The following TNFRSF10A variants were observed in gnomAD, a reference collection of about 807,000 sequenced individuals.
TNFRSF10A encodes the protein tumor necrosis factor receptor superfamily member 10A.
Under a neutral mutation model 42.8 loss-of-function variants are expected in TNFRSF10A, and 44 were observed. That is an observed-to-expected ratio of 1.03 (90% CI 0.81 to 1.32). TNFRSF10A has a LOEUF of 1.32. Ranked by LOEUF, TNFRSF10A falls within the 40% of genes most tolerant of loss-of-function variation. The probability of loss-of-function intolerance (pLI) is 0.00; values close to 1 mark genes in which losing one functional copy is unlikely to be tolerated. For synonymous variants in TNFRSF10A, 259 were observed against 234.2 expected, an observed-to-expected ratio of 1.11 and a Z score of -0.97; for missense variants, 680 against 602.0, an observed-to-expected ratio of 1.13 and a Z score of -1.36.
chr8:23,194,312 C>T (rs1297005812), intron 9 of TNFRSF10A, among the ~76,000 whole-genome samples: 3 of 152,222 alleles, frequency 2.0e-5, no homozygotes, highest in East Asian at 3.9e-4. Flanking sequence ...GTAAATAATT[C>T]CAAGCAATTT....
Position 23,196,982 on chromosome 8 carries a change from C to T in TNFRSF10A, c.1087+150G>A, listed in dbSNP as rs566717385. The T allele has an allele frequency of 5.1e-6, 5 of 985,212 alleles. No individual in the cohort carries two copies. In the African/African-American group the frequency reaches 8.0e-5, roughly 16 times the overall value. 61.0% of individuals were successfully genotyped at this position (985,212 alleles called of 1,614,324 possible). On this transcript the variant is annotated intron_variant, in intron 9 of 9. Coordinates refer to ENST00000221132, the MANE Select transcript of TNFRSF10A (RefSeq NM_003844.4). ...AGTGGGAAGAAGAGATGGGAGAAGACAATTTAGGGTCTTGATGGTCTATAG... is the reference window on the plus strand; with the variant it reads ...AGTGGGAAGAAGAGATGGGAGAAGATAATTTAGGGTCTTGATGGTCTATAG...
chr8:23,210,458 G>A, intron 2 of TNFRSF10A, among the ~76,000 whole-genome samples: 1 of 152,144 alleles, frequency 6.6e-6, no homozygotes. Flanking sequence ...GAGGCAGGCA[G>A]ATCACAAGGT....
At chr8:23,213,827 T>C (rs1042428843) in intron 1 of TNFRSF10A, among the ~76,000 whole-genome samples, 1 of 152,236 alleles carries the variant, frequency 6.6e-6, no homozygotes, top group Admixed American at 6.5e-5. Flanking sequence ...CATTTACAGC[T>C]ATCATTTTCC....
intron 9 of TNFRSF10A, among the ~76,000 whole-genome samples, chr8:23,193,932 T>C (rs1563376303): frequency 6.6e-6 from 1 of 152,230 alleles, no homozygotes; most frequent in South Asian, 2.1e-4. Flanking sequence ...CAGGCTTTTA[T>C]GTTGCTGTTC....
intron 1 of TNFRSF10A, among the ~76,000 whole-genome samples, chr8:23,213,731 A>C (rs1801128761): frequency 6.6e-6 from 1 of 152,062 alleles, no homozygotes; most frequent in East Asian, 1.9e-4. Flanking sequence ...AGCGTGAGCC[A>C]CCACGCCCAG....
intron 1 of TNFRSF10A, among the ~76,000 whole-genome samples, chr8:23,222,930 C>G (rs908934541): frequency 2.0e-5 from 3 of 152,150 alleles, no homozygotes; most frequent in Non-Finnish European, 4.4e-5. Flanking sequence ...TCCAGCTGTC[C>G]TTCCCCTTCA....
chr8:23,199,494 C>T (rs1297129352), intron 7 of TNFRSF10A, 46 bp from the exon 8 acceptor site: 1 of 1,594,082 alleles, frequency 6.3e-7, no homozygotes, highest in Non-Finnish European at 8.6e-7. Flanking sequence ...CCCAGGGCTC[C>T]CCACGGGGTC....
intron 1 of TNFRSF10A, among the ~76,000 whole-genome samples, chr8:23,216,412 A>G (rs986560869): frequency 2.8e-4 from 42 of 152,290 alleles, no homozygotes; most frequent in African/African-American, 9.6e-4. Context: ...ATAACCATCA[A>G]TAAAATCAAT....
rs1387372205 is a variant in TNFRSF10A, at chr8:23,199,880, A to G, written c.831+6T>C. The G allele has an allele frequency of 1.9e-6, 3 of 1,613,832 alleles. No homozygotes were observed. In the South Asian group the frequency reaches 3.3e-5, roughly 18 times the overall value. On this transcript the variant is annotated splice_donor_region_variant and intron_variant, in intron 7 of 9. Coordinates refer to ENST00000221132, the MANE Select transcript of TNFRSF10A (RefSeq NM_003844.4). ...ATGCCCCCAGCTCCTGGAGAAATCA[A>G]CTCACCCTGTCCATGCACTTGGGGT... is the stretch of plus-strand genomic sequence containing the variant.
At chr8:23,210,941 T>C (rs1227973707) in intron 2 of TNFRSF10A, among the ~76,000 whole-genome samples, 3 of 152,184 alleles carry the variant, frequency 2.0e-5, no homozygotes, top group African/African-American at 7.2e-5. Flanking sequence ...AAAGAATATC[T>C]ACAAAAACCC....
At chr8:23,200,380 A>G (rs917685905) in intron 6 of TNFRSF10A, 125 bp downstream of exon 6, 4 of 1,048,624 alleles carry the variant, frequency 3.8e-6, no homozygotes, top group Middle Eastern at 2.6e-4. Flanking sequence ...GGTGATCACA[A>G]GGAGGAAGAT....
At chr8:23,197,512 T>C (rs543292182) in intron 8 of TNFRSF10A, among the ~76,000 whole-genome samples, 1 of 152,254 alleles carries the variant, frequency 6.6e-6, no homozygotes, top group South Asian at 2.1e-4. Context: ...TATGCCTGAT[T>C]ATCTGTCACC....
intron 1 of TNFRSF10A, among the ~76,000 whole-genome samples, chr8:23,222,375 G>A (rs961107148): frequency 2.0e-5 from 3 of 152,098 alleles, no homozygotes; most frequent in Non-Finnish European, 2.9e-5. Flanking sequence ...CAATGCTGCT[G>A]GAATTAGAAA....
At position 23,197,213 on chromosome 8, in the gene TNFRSF10A, C is replaced by T; in HGVS notation, c.1015-9G>A. On this transcript the variant is annotated splice_polypyrimidine_tract_variant and intron_variant, in intron 8 of 9. Coordinates refer to ENST00000221132, the MANE Select transcript of TNFRSF10A (RefSeq NM_003844.4). Reference sequence around the variant, plus strand: ...TCAGCTTCTGCCGGTCCCTGTAACACACAGTGGGGAATGCCTTGGTCTGAG... The same window carrying T: ...TCAGCTTCTGCCGGTCCCTGTAACATACAGTGGGGAATGCCTTGGTCTGAG... 2 of 1,614,148 alleles carry T rather than the reference C, an allele frequency of 1.2e-6. No homozygotes were observed. The highest frequency in any genetic ancestry group is 1.1e-5 in the South Asian group (1 of 91,086).
At chr8:23,207,435 C>A in intron 2 of TNFRSF10A, 2 of 476,354 alleles carry the variant, frequency 4.2e-6, no homozygotes, top group Admixed American at 2.4e-5. Context: ...AAGTTGAGGC[C>A]CAGATGCCTT....
chr8:23,214,216 A>G (rs1164902599), intron 1 of TNFRSF10A, among the ~76,000 whole-genome samples: 2 of 151,134 alleles, frequency 1.3e-5, no homozygotes, highest in Admixed American at 6.6e-5. Context: ...GGCCGGGCGC[A>G]GTGGCTCATG....
At chr8:23,212,907 C>T (rs1157256887) in intron 1 of TNFRSF10A, among the ~76,000 whole-genome samples, 2 of 152,178 alleles carry the variant, frequency 1.3e-5, no homozygotes, top group African/African-American at 4.8e-5. Flanking sequence ...CAGGGTAATG[C>T]GGGGCCCACA....
At position 23,191,640 on chromosome 8, in the gene TNFRSF10A, T is replaced by C; in HGVS notation, c.*54A>G. The stretch of plus-strand genomic sequence containing the variant: ...ATACATGTTAAAAAAAAAAAAAACC[T>C]AATATGTATTAACTCCTAACACCTA... On this transcript the variant is annotated 3_prime_UTR_variant, in exon 10 of 10. Coordinates refer to ENST00000221132, the MANE Select transcript of TNFRSF10A (RefSeq NM_003844.4). The C allele has an allele frequency of 6.8e-7, 1 of 1,471,594 alleles. No homozygotes were observed. The highest frequency in any genetic ancestry group is 9.0e-7 in the Non-Finnish European group (1 of 1,114,908). 91.2% of individuals were successfully genotyped at this position (1,471,594 alleles called of 1,614,324 possible). A position where few individuals can be genotyped will look rare whatever the true frequency, so the allele number is the denominator to read the frequency against.
At chr8:23,196,032 A>C (rs77801627) in intron 9 of TNFRSF10A, among the ~76,000 whole-genome samples, 2,321 of 152,236 alleles carry the variant, frequency 0.015, 57 homozygotes, top group African/African-American at 0.053. Flanking sequence ...CAAATCTTAC[A>C]TTTGTTTTAT....
Sources: allele counts gnomAD v4.1 joint callset (sites outside exome capture counted in the v4.1 genomes callset), GRCh38; gene constraint gnomAD v4.1.1; transcripts MANE v1.5; gene names NCBI Gene and HGNC (gene_info 2026-07-23, HGNC 2026-07-21).